Variants in ADAMTSL1 observed in about 807,000 individuals in gnomAD.
ADAMTSL1 encodes the protein ADAMTS-like protein 1.
In ADAMTSL1, 126 loss-of-function variants were observed where a neutral mutation model predicts 201.8. The ratio of observed to expected loss-of-function variants is 0.62; its 90% CI spans 0.54 to 0.72. ADAMTSL1 has a LOEUF of 0.72. Ranked by LOEUF, ADAMTSL1 falls within the 30% of genes least tolerant of loss-of-function variation. ADAMTSL1 has a pLI of 0.00. For synonymous variants in ADAMTSL1, 1,121 were observed against 903.4 expected, an observed-to-expected ratio of 1.24 and a Z score of -4.32; for missense variants, 2,679 against 2,277.8, an observed-to-expected ratio of 1.18 and a Z score of -3.59.
intron 14 of ADAMTSL1, among the ~76,000 whole-genome samples, chr9:18,716,964 C>G (rs1445006284): frequency 7.4e-6 from 1 of 135,102 alleles, no homozygotes; most frequent in Admixed American, 7.7e-5. Context: ...TGGAAATCAT[C>G]ATTCTCAGTA....
chr9:18,248,114 G>C (rs945377642), intron 2 of ADAMTSL1, among the ~76,000 whole-genome samples: 5 of 152,138 alleles, frequency 3.3e-5, no homozygotes, highest in Non-Finnish European at 5.9e-5. Flanking sequence ...CAGCTTAATT[G>C]AATGTAAAAT....
chr9:18,069,234 AT>A (rs1342790095), intron 1 of ADAMTSL1, among the ~76,000 whole-genome samples: 1 of 152,250 alleles, frequency 6.6e-6, no homozygotes, highest in Non-Finnish European at 1.5e-5. Flanking sequence ...TTTTTAACTT[AT>A]GACATGTTGA....
rs149650641 is a variant in ADAMTSL1, at chr9:18,201,137, G to T, written c.207+37156G>T. Reference sequence around the variant, plus strand: ...ATGTCAGTTTTTTACTGAAAGCATAGACAGTTTATCAAACAGTGTTTTGGA... The same window carrying T: ...ATGTCAGTTTTTTACTGAAAGCATATACAGTTTATCAAACAGTGTTTTGGA... On this transcript the variant is annotated intron_variant, in intron 2 of 29. Coordinates refer to the ADAMTSL1 transcript ENST00000680146. Among the ~76,000 whole-genome samples, 8 of 152,156 alleles carry T rather than the reference G, an allele frequency of 5.3e-5. No homozygotes were observed. In the East Asian group the frequency reaches 1.6e-3, roughly 29 times the overall value.
intron 1 of ADAMTSL1, among the ~76,000 whole-genome samples, chr9:18,481,411 G>T (rs762125018): frequency 6.6e-6 from 1 of 151,764 alleles, no homozygotes; most frequent in East Asian, 1.9e-4. Context: ...TGGGCATGGT[G>T]GCAGGCATCT....
At chr9:18,842,660 G>A (rs1825802201) in intron 23 of ADAMTSL1, among the ~76,000 whole-genome samples, 1 of 151,944 alleles carries the variant, frequency 6.6e-6, no homozygotes, top group Non-Finnish European at 1.5e-5. Context: ...CCATTATTGT[G>A]TGGGAGTCTA....
chr9:18,526,720 T>A (rs1819079367), intron 2 of ADAMTSL1, among the ~76,000 whole-genome samples: 1 of 152,050 alleles, frequency 6.6e-6, no homozygotes, highest in Non-Finnish European at 1.5e-5. Flanking sequence ...AGAATTTTTT[T>A]AACTGGCTCA....
At chr9:18,014,524 G>C (rs764411752) in intron 1 of ADAMTSL1, among the ~76,000 whole-genome samples, 3 of 152,036 alleles carry the variant, frequency 2.0e-5, no homozygotes, top group Non-Finnish European at 4.4e-5. Flanking sequence ...AATTCACTAA[G>C]AGTATACACC....
intron 2 of ADAMTSL1, among the ~76,000 whole-genome samples, chr9:18,284,730 G>A (rs536442934): frequency 2.6e-5 from 4 of 152,126 alleles, no homozygotes; most frequent in Admixed American, 6.5e-5. Context: ...ACTACTGCTC[G>A]TATTTTATTT....
At chr9:18,652,205 C>A (rs1828322142) in intron 7 of ADAMTSL1, among the ~76,000 whole-genome samples, 1 of 151,928 alleles carries the variant, frequency 6.6e-6, no homozygotes, top group Non-Finnish European at 1.5e-5. Context: ...AACCCCATCT[C>A]TACTAAAACT....
At chr9:18,438,561 G>A (rs1819853911) in intron 2 of ADAMTSL1, among the ~76,000 whole-genome samples, 1 of 152,150 alleles carries the variant, frequency 6.6e-6, no homozygotes, top group Non-Finnish European at 1.5e-5. Context: ...CCCTTGCTCG[G>A]GTTTCAAGCG....
chr9:18,362,897 C>T (rs951011417), intron 2 of ADAMTSL1, among the ~76,000 whole-genome samples: 2 of 152,136 alleles, frequency 1.3e-5, no homozygotes, highest in African/African-American at 4.8e-5. Flanking sequence ...TCTAACAGAG[C>T]AAAGAAATCC....
intron 13 of ADAMTSL1, among the ~76,000 whole-genome samples, chr9:18,699,189 T>TCAGG (rs1262524823): frequency 6.6e-6 from 1 of 152,212 alleles, no homozygotes; most frequent in Non-Finnish European, 1.5e-5. Flanking sequence ...AGAAAGACAT[T>TCAGG]CAGGCATTCT....
intron 2 of ADAMTSL1, among the ~76,000 whole-genome samples, chr9:18,275,353 G>A (rs1832544691): frequency 6.6e-6 from 1 of 152,062 alleles, no homozygotes. Flanking sequence ...CTTTATTGAT[G>A]TATTTTATAT....
rs891785593 is a variant in ADAMTSL1 at position 18,749,240 on chromosome 9, T to C, written c.2007-4058T>C. Among the ~76,000 whole-genome samples, 23 of 152,216 alleles carry C rather than the reference T, an allele frequency of 1.5e-4. 1 individual carries two copies. The highest frequency in any genetic ancestry group is 1.2e-3 in the Admixed American group (19 of 15,290). On this transcript the variant is annotated intron_variant, in intron 15 of 28. Transcript: ENST00000380548. The stretch of plus-strand genomic sequence containing the variant: ...ACACATAACAAGTGGTAAACCAAAA[T>C]AGACATAGCCCCATGCTTTCATCAA...
intron 8 of ADAMTSL1, among the ~76,000 whole-genome samples, chr9:18,661,498 A>T (rs576497294): frequency 6.6e-6 from 1 of 152,102 alleles, no homozygotes; most frequent in Non-Finnish European, 1.5e-5. Context: ...TGTGGGATTT[A>T]TTTTGTTTAT....
At chr9:18,393,649 A>G (rs1409207255) in intron 2 of ADAMTSL1, among the ~76,000 whole-genome samples, 1 of 152,190 alleles carries the variant, frequency 6.6e-6, no homozygotes, top group Non-Finnish European at 1.5e-5. Context: ...TAGAGGTGGC[A>G]AGGGCTAAGG....
intron 2 of ADAMTSL1, among the ~76,000 whole-genome samples, chr9:18,464,537 C>A (rs906758874): frequency 6.6e-6 from 1 of 151,978 alleles, no homozygotes; most frequent in African/African-American, 2.4e-5. Flanking sequence ...GTTTTCTTAC[C>A]AAAATGTGAA....
At chr9:18,468,170 T>C (rs912505409) in intron 2 of ADAMTSL1, among the ~76,000 whole-genome samples, 1 of 152,184 alleles carries the variant, frequency 6.6e-6, no homozygotes, top group Non-Finnish European at 1.5e-5. Flanking sequence ...AGTAAGTGTT[T>C]GTTGAATCTA....
At chr9:18,578,283 C>A (rs1172169437) in intron 4 of ADAMTSL1, among the ~76,000 whole-genome samples, 4 of 152,050 alleles carry the variant, frequency 2.6e-5, no homozygotes, top group Admixed American at 6.6e-5. Context: ...ATGAATATAC[C>A]TTTTCAAACC....
Sources: allele counts gnomAD v4.1 joint callset (sites outside exome capture counted in the v4.1 genomes callset), GRCh38; gene constraint gnomAD v4.1.1; transcripts MANE v1.5; gene names NCBI Gene and HGNC (gene_info 2026-07-23, HGNC 2026-07-21).